WDPCP: variants seen among roughly 807,000 people sequenced by gnomAD.
WDPCP encodes the protein WD repeat-containing and planar cell polarity effector protein fritz homolog.
A neutral mutation model predicts 93.1 loss-of-function variants in WDPCP; 71 were observed. The observed-to-expected ratio is 0.76, with a 90% CI of 0.63 to 0.93. The LOEUF is 0.93. WDPCP is among the 40% of genes least tolerant of loss of function. The pLI, the probability that WDPCP is intolerant of heterozygous loss-of-function variation, is 0.00. For synonymous variants in WDPCP, 315 were observed against 315.0 expected (o/e 1.00, Z 0.00); for missense variants, 844 against 887.4 (o/e 0.95, Z 0.62).
chr2:63,559,676 G>A (rs986273016), intron 1 of WDPCP, among the ~76,000 whole-genome samples: 2 of 152,132 alleles, frequency 1.3e-5, no homozygotes, highest in Non-Finnish European at 2.9e-5. Flanking sequence ...ATTCACAACT[G>A]CTATAAAGGA....
chr2:63,148,289 T>C (rs1173731278), intron 17 of WDPCP, among the ~76,000 whole-genome samples: 2 of 152,082 alleles, frequency 1.3e-5, no homozygotes, highest in African/African-American at 2.4e-5. Context: ...ATCACACCAC[T>C]GCACTCCAGT....
In WDPCP at chr2:63,706,838, G is replaced by A. The variant is rs557641231; in HGVS notation, n.309-56000C>T. On this transcript the variant is annotated intron_variant and non_coding_transcript_variant, in intron 2 of 4. Coordinates refer to the WDPCP transcript ENST00000467687. ...TCACCTTGTTAGCCAGGATGGTCTCGATCTCCTGACCTCATGATCCACCCG... is the reference window on the plus strand; with the variant it reads ...TCACCTTGTTAGCCAGGATGGTCTCAATCTCCTGACCTCATGATCCACCCG... Among the ~76,000 whole-genome samples, 259 of 151,640 alleles carry A rather than the reference G, an allele frequency of 1.7e-3. 1 individual carries two copies. The highest frequency in any genetic ancestry group is 1.2e-3 in the Non-Finnish European group (84 of 67,874).
intron 3 of WDPCP, chr2:63,605,889 CAGTT>C: frequency 7.0e-7 from 1 of 1,423,524 alleles, no homozygotes; most frequent in Non-Finnish European, 9.9e-7. Context: ...GTTCATGTGT[CAGTT>C]GTGTAAACTA....
chr2:63,435,185 T>C (rs1055113717), intron 8 of WDPCP, among the ~76,000 whole-genome samples: 1 of 152,166 alleles, frequency 6.6e-6, no homozygotes. Flanking sequence ...TAAATTGAAT[T>C]GGATTTTTTT....
chr2:63,747,993 CAG>C (rs909533745), intron 2 of WDPCP, among the ~76,000 whole-genome samples: 2 of 151,368 alleles, frequency 1.3e-5, no homozygotes, highest in Admixed American at 6.6e-5. Context: ...AATATATATA[CAG>C]AGAGAGAGAG....
intron 1 of WDPCP, among the ~76,000 whole-genome samples, chr2:63,565,630 GA>G (rs1481706739): frequency 1.3e-5 from 2 of 152,072 alleles, no homozygotes; most frequent in African/African-American, 4.8e-5. Context: ...TTACTATATT[GA>G]TAGATAATCT....
At chr2:63,693,689 G>A (rs2103679298) in intron 2 of WDPCP, among the ~76,000 whole-genome samples, 1 of 152,176 alleles carries the variant, frequency 6.6e-6, no homozygotes. Context: ...AGCAGATTTT[G>A]GAGACCTTTG....
At chr2:63,147,038 A>G (rs572561815) in intron 17 of WDPCP, among the ~76,000 whole-genome samples, 7 of 152,350 alleles carry the variant, frequency 4.6e-5, no homozygotes, top group Admixed American at 3.3e-4. Flanking sequence ...AGTGACACCT[A>G]TAGTGCTCAA....
chr2:63,319,404 T>G (rs1686918380), intron 12 of WDPCP, among the ~76,000 whole-genome samples: 1 of 152,202 alleles, frequency 6.6e-6, no homozygotes, highest in South Asian at 2.1e-4. Context: ...ATGAATAGAA[T>G]TAAAACAAAT....
Position 63,404,550 on chromosome 2 carries a change from C to A in WDPCP, c.933G>T (p.Glu311Asp), listed in dbSNP as rs771172633. ...CATAGATGCAGCTGTCAGCCATGGG[C>A]TCTTTGTCTACACTTACGGAGTGCT... ...TVEHSVSVDK[E>D]PMADSCIYEC... The change falls in exon 10 of 18, where the codon GAG becomes GAT. Residue 311 changes from glutamate (E) to aspartate (D), a missense_variant. Coordinates refer to ENST00000272321, the MANE Select transcript of WDPCP (RefSeq NM_015910.7). 5.0e-6 allele frequency: 8 copies of A among 1,613,456 alleles called. No individual in the cohort carries two copies. Among genetic ancestry groups the A allele is most frequent in the Non-Finnish European group, 5.1e-6 (6 of 1,179,714 alleles).
intron 17 of WDPCP, among the ~76,000 whole-genome samples, chr2:63,149,587 G>C (rs1391866323): frequency 6.6e-6 from 1 of 152,146 alleles, no homozygotes; most frequent in African/African-American, 2.4e-5. Context: ...TCCACTAACA[G>C]AAGAATGAAT....
At chr2:63,802,204 G>A (rs939590054) in intron 2 of WDPCP, among the ~76,000 whole-genome samples, 2 of 137,530 alleles carry the variant, frequency 1.5e-5, no homozygotes, top group African/African-American at 5.4e-5. Flanking sequence ...CCAGCACTTT[G>A]GAAGGCCAAC....
intron 3 of WDPCP, among the ~76,000 whole-genome samples, chr2:63,641,747 T>C (rs980838759): frequency 1.3e-5 from 2 of 152,226 alleles, no homozygotes; most frequent in Admixed American, 6.5e-5. Flanking sequence ...AGTAGTTGTC[T>C]CTTCACTTTA....
intron 2 of WDPCP, among the ~76,000 whole-genome samples, chr2:63,711,888 C>T (rs1020856357): frequency 6.6e-6 from 1 of 152,212 alleles, no homozygotes; most frequent in African/African-American, 2.4e-5. Flanking sequence ...TGGATTGATA[C>T]TGGAGAAACC....
At chr2:63,538,035 G>A (rs926806389) in intron 1 of WDPCP, among the ~76,000 whole-genome samples, 9 of 152,020 alleles carry the variant, frequency 5.9e-5, no homozygotes, top group Non-Finnish European at 1.3e-4. Flanking sequence ...CTTATAATAT[G>A]CGCTAAAAAA....
intron 14 of WDPCP, among the ~76,000 whole-genome samples, chr2:63,198,113 A>C (rs1043804984): frequency 6.6e-6 from 1 of 152,154 alleles, no homozygotes; most frequent in African/African-American, 2.4e-5. Context: ...TCCTTCTGGA[A>C]TTTATTATGG....
intron 13 of WDPCP, among the ~76,000 whole-genome samples, chr2:63,292,768 C>A (rs569612133): frequency 2.6e-5 from 4 of 152,168 alleles, no homozygotes; most frequent in Non-Finnish European, 4.4e-5. Flanking sequence ...GAATCTGGAA[C>A]CTAAATAATA....
At chr2:63,360,869 G>A (rs1027894595) in intron 12 of WDPCP, among the ~76,000 whole-genome samples, 1 of 152,134 alleles carries the variant, frequency 6.6e-6, no homozygotes, top group Non-Finnish European at 1.5e-5. Context: ...ATGTTTTACT[G>A]AGCAAAACTA....
intron 13 of WDPCP, among the ~76,000 whole-genome samples, chr2:63,297,842 A>C (rs1684987352): frequency 6.6e-6 from 1 of 152,344 alleles, no homozygotes; most frequent in African/African-American, 2.4e-5. Context: ...CCAGGGCAGC[A>C]GTTAAGATGT....
Sources: allele counts gnomAD v4.1 joint callset (sites outside exome capture counted in the v4.1 genomes callset), GRCh38; gene constraint gnomAD v4.1.1; transcripts MANE v1.5; gene names NCBI Gene and HGNC (gene_info 2026-07-23, HGNC 2026-07-21).